PRKDC: variants seen among roughly 807,000 people sequenced by gnomAD.
PRKDC encodes protein kinase, DNA-activated, catalytic subunit.
Under a neutral mutation model 486.9 loss-of-function variants are expected in PRKDC, and 82 were observed. The ratio of observed to expected loss-of-function variants is 0.17; its 90% CI spans 0.14 to 0.20. The LOEUF (loss-of-function observed/expected upper bound fraction) is 0.20. Ranked by LOEUF, PRKDC falls within the 10% of genes least tolerant of loss-of-function variation. PRKDC has a pLI of 1.00. For missense variants in PRKDC, 4,504 were observed against 5,038.2 expected (o/e 0.89, Z 3.21); for synonymous variants, 1,895 against 1,837.0 (o/e 1.03, Z -0.81).
chr8:47,827,854 T>G (rs55888064), intron 62 of PRKDC, among the ~76,000 whole-genome samples: 346 of 152,280 alleles, frequency 2.3e-3, no homozygotes, highest in African/African-American at 7.6e-3. Flanking sequence ...CAGAAAGAAT[T>G]TGGTGAAATA....
intron 7 of PRKDC, among the ~76,000 whole-genome samples, chr8:47,948,098 G>GCACACACACA (rs141437463): frequency 8.9e-4 from 125 of 140,274 alleles, no homozygotes; most frequent in African/African-American, 2.5e-3. Context: ...AAATATATTT[G>GCACACACACA]CACACACACA....
intron 72 of PRKDC, 37 bp from the exon 73 acceptor site, chr8:47,798,434 G>C: frequency 6.5e-7 from 1 of 1,527,696 alleles, no homozygotes; most frequent in Non-Finnish European, 8.8e-7. Flanking sequence ...AATGGTCAAT[G>C]TATCCCAATA....
intron 38 of PRKDC, 138 bp downstream of exon 38, chr8:47,881,278 C>T (rs963014211): frequency 2.7e-5 from 16 of 603,128 alleles, no homozygotes; most frequent in African/African-American, 9.4e-5. Context: ...CTAATAAGTA[C>T]GGGGGATTAC....
chr8:47,928,896 T>C (rs2154503482), intron 19 of PRKDC, among the ~76,000 whole-genome samples, 196 bp downstream of exon 19: 1 of 152,156 alleles, frequency 6.6e-6, no homozygotes, highest in East Asian at 1.9e-4. Flanking sequence ...TTCACTACAT[T>C]GGTCAGGCTG....
intron 68 of PRKDC, among the ~76,000 whole-genome samples, chr8:47,809,784 G>C (rs1485635967): frequency 1.3e-5 from 2 of 152,172 alleles, no homozygotes; most frequent in Non-Finnish European, 2.9e-5. Flanking sequence ...GTGAATAAAA[G>C]ATGGCAGACT....
chr8:47,862,160 G>A (rs1193020088), intron 43 of PRKDC, 33 bp from the exon 44 acceptor site: 2 of 1,505,038 alleles, frequency 1.3e-6, no homozygotes, highest in South Asian at 1.2e-5. Flanking sequence ...AAAAATAGCT[G>A]AATGGTGAAG....
At chr8:47,788,323 C>T (rs2086827049) in intron 76 of PRKDC, among the ~76,000 whole-genome samples, 1 of 152,224 alleles carries the variant, frequency 6.6e-6, no homozygotes, top group Non-Finnish European at 1.5e-5. Flanking sequence ...AAAGGTGTAG[C>T]AACTGGGCTG....
chr8:47,796,379 T>C (rs2086985822), intron 73 of PRKDC, among the ~76,000 whole-genome samples: 2 of 152,008 alleles, frequency 1.3e-5, no homozygotes, highest in South Asian at 4.1e-4. Context: ...ATAAAATCAC[T>C]GTCAATCTGA....
intron 85 of PRKDC, among the ~76,000 whole-genome samples, chr8:47,775,958 G>A (rs1056581064): frequency 4.6e-5 from 7 of 151,850 alleles, no homozygotes; most frequent in Non-Finnish European, 8.8e-5. Context: ...CTAGCAGCTG[G>A]GATTACAGGT....
Position 47,782,415 on chromosome 8 carries a change from G to T in PRKDC, c.11359C>A (p.Gln3787Lys). The part of the protein sequence containing the change: ...QDSACSQRAL[Q>K]LRTYSVVPMT... ...GGCACAACGCTATAGGTCCTCAGCTGCAGGGCCCTCTGGCTGCAGGCGGAG... is the reference window on the plus strand; with the variant it reads ...GGCACAACGCTATAGGTCCTCAGCTTCAGGGCCCTCTGGCTGCAGGCGGAG... Residue 3787 changes from glutamine (Q) to lysine (K), a missense_variant, in exon 79 of 86, where the codon CAG becomes AAG. By Grantham distance (53) the Gln-to-Lys change is moderately conservative. Around this residue, in one of 6 missense-constraint regions of PRKDC, gnomAD observed 706 missense variants for 945.0 expected, o/e 0.75. Transcript: ENST00000314191. This position sits in a 1 kb window ranked among gnomAD's most constrained non-coding sequence, Gnocchi z 4.9. 1 of 1,603,070 alleles carries T rather than the reference G, an allele frequency of 6.2e-7. No individual in the cohort carries two copies.
intron 17 of PRKDC, among the ~76,000 whole-genome samples, 165 bp downstream of exon 17, chr8:47,930,507 C>T (rs528034687): frequency 3.4e-4 from 51 of 152,228 alleles, no homozygotes; most frequent in Admixed American, 7.2e-4. Context: ...CTCCTGACCT[C>T]GTGATCCACC....
chr8:47,931,118 AAAAAG>A (rs2090243936), intron 16 of PRKDC, among the ~76,000 whole-genome samples: 1 of 152,250 alleles, frequency 6.6e-6, no homozygotes, highest in Non-Finnish European at 1.5e-5. Context: ...TCAAGTGAAG[AAAAAG>A]AGAAATAGAG....
At chr8:47,812,653 T>A (rs935661927) in intron 68 of PRKDC, among the ~76,000 whole-genome samples, 1 of 151,630 alleles carries the variant, frequency 6.6e-6, no homozygotes, top group Non-Finnish European at 1.5e-5. Context: ...AGAAAAGGTA[T>A]AAAATCAACA....
chr8:47,778,191 G>A (rs2154497328), intron 83 of PRKDC, among the ~76,000 whole-genome samples: 1 of 152,258 alleles, frequency 6.6e-6, no homozygotes, highest in East Asian at 1.9e-4. Context: ...TTATTACGGG[G>A]CTTCCTAAAA....
chr8:47,929,042 C>T, intron 19 of PRKDC, 50 bp downstream of exon 19: 2 of 1,259,844 alleles, frequency 1.6e-6, no homozygotes, highest in South Asian at 1.4e-5. Flanking sequence ...AATAGATATT[C>T]ATTTAAAAAC....
rs769950590 is a variant in PRKDC, at chr8:47,882,089, G to A, written c.4785C>T (p.Ala1595=). The A allele has an allele frequency of 1.5e-5, 24 of 1,607,858 alleles. 1 individual carries two copies. The Admixed American group carries it at 3.4e-4, about 23-fold the overall frequency. Residue 1595 remains alanine, a synonymous_variant, in exon 37 of 86, where the codon GCC becomes GCT. Transcript: ENST00000314191. ...SSVDNTKMVS[A]VLNGMLDQSF... is the part of the protein sequence containing the mutation. ...TCTGGTCTAACATGCCGTTCAAAAC[G>A]GCACTCACCTGAGACAATTTCGTTG...
At chr8:47,860,185 G>A (rs2088643991) in intron 45 of PRKDC, among the ~76,000 whole-genome samples, 1 of 152,180 alleles carries the variant, frequency 6.6e-6, no homozygotes, top group Non-Finnish European at 1.5e-5. Context: ...TGATGATAAA[G>A]CTATAAGGAA....
intron 25 of PRKDC, among the ~76,000 whole-genome samples, chr8:47,909,232 AG>A (rs2089852225): frequency 2.6e-5 from 4 of 152,244 alleles, no homozygotes; most frequent in Admixed American, 2.6e-4. Context: ...CCGAGGCAGA[AG>A]AACGTAAATT....
In PRKDC at chr8:47,823,929, G is replaced by C; in HGVS notation, c.8851C>G (p.Gln2951Glu). 1 of 1,613,784 alleles carries C rather than the reference G, an allele frequency of 6.2e-7. No individual in the cohort carries two copies. The highest frequency in any genetic ancestry group is 1.7e-5 in the Admixed American group (1 of 60,014). The change falls in exon 64 of 86, where the codon CAA (glutamine) becomes GAA (glutamate). Residue 2951 changes from glutamine (Q) to glutamate (E), a missense_variant. By Grantham distance (29) the Gln-to-Glu change is conservative. Around this residue, in one of 6 missense-constraint regions of PRKDC, gnomAD observed 1,592 missense variants for 1,724.6 expected, o/e 0.92. Transcript: ENST00000314191. ...GCTAATAATGCACTCTGAGTGATTTGCTTTGTTCCTATCTCACTGGTAAAA... is the reference window on the plus strand; with the variant it reads ...GCTAATAATGCACTCTGAGTGATTTCCTTTGTTCCTATCTCACTGGTAAAA... ...GIFTSEIGTK[Q>E]ITQSALLAEA...
Sources: gnomAD v4.1 joint callset for allele counts (sites outside exome capture counted in the v4.1 genomes callset) on GRCh38, gnomAD v4.1.1 for gene constraint, gnomAD v4.1.1 regional missense constraint, Gnocchi (gnomAD v3.1) non-coding constraint, MANE v1.5 for transcripts, NCBI Gene and HGNC (gene_info 2026-07-23, HGNC 2026-07-21) for gene names.